The following GPC3 variants were observed in gnomAD, a reference collection of about 807,000 sequenced individuals.
The protein encoded by GPC3 is glypican 3.
GPC3 carries 3 observed loss-of-function variants against 34.4 expected under a neutral mutation model. The ratio of observed to expected loss-of-function variants is 0.09; its 90% CI spans 0.04 to 0.23. The LOEUF (loss-of-function observed/expected upper bound fraction) is 0.23. GPC3 is among the 10% of genes least tolerant of loss of function. The pLI, the probability that GPC3 is intolerant of heterozygous loss-of-function variation, is 1.00. For missense variants in GPC3, 351 were observed against 445.6 expected (o/e 0.79, Z 1.91); for synonymous variants, 177 against 174.0 (o/e 1.02, Z -0.13).
chrX:133,739,213 A>C (rs1232686225), intron 3 of GPC3, among the ~76,000 whole-genome samples: 16 of 111,250 alleles, frequency 1.4e-4, no homozygotes. Context: ...TGGGGATATT[A>C]GTGTATTTGT....
intron 2 of GPC3, among the ~76,000 whole-genome samples, chrX:133,776,878 CTTT>C (rs10633635): frequency 2.5e-5 from 2 of 79,626 alleles, no homozygotes. Context: ...CCTTTCTTTT[CTTT>C]TTTTTTTTTT....
intron 2 of GPC3, among the ~76,000 whole-genome samples, chrX:133,935,797 G>A (rs182157377): frequency 9.0e-6 from 1 of 111,134 alleles, no homozygotes; most frequent in Non-Finnish European, 1.9e-5. Context: ...AACTTTTCAG[G>A]ACTATATATG....
intron 6 of GPC3, among the ~76,000 whole-genome samples, chrX:133,629,441 G>C (rs1212815475): frequency 1.8e-5 from 2 of 111,142 alleles, no homozygotes; most frequent in Non-Finnish European, 3.8e-5. Context: ...TGTTGCCCAG[G>C]CTGGAGTGCA....
At chrX:133,878,613 T>G (rs2076027787) in intron 2 of GPC3, among the ~76,000 whole-genome samples, 1 of 111,920 alleles carries the variant, frequency 8.9e-6, no homozygotes, top group African/African-American at 3.3e-5. Flanking sequence ...CTTCTGCTGT[T>G]TTTGTCTTTT....
chrX:133,657,898 C>CAGAGAGAGAGAGAGAGAGAG (rs749162174), intron 6 of GPC3, among the ~76,000 whole-genome samples: 20 of 85,550 alleles, frequency 2.3e-4, no homozygotes, highest in African/African-American at 9.5e-4. Context: ...GGCATACATG[C>CAGAGAGAGAGAGAGAGAGAG]AGAGAGAGAG....
At chrX:133,939,431 A>G (rs981482515) in intron 2 of GPC3, among the ~76,000 whole-genome samples, 34 of 111,850 alleles carry the variant, frequency 3.0e-4, no homozygotes, top group African/African-American at 1.0e-3. Flanking sequence ...TCAGGAGTCT[A>G]GTTCAGTGTT....
At chrX:133,838,506 A>G (rs1282211678) in intron 2 of GPC3, among the ~76,000 whole-genome samples, 3 of 112,666 alleles carry the variant, frequency 2.7e-5, no homozygotes, top group Non-Finnish European at 5.6e-5. Context: ...TTATTATCAC[A>G]TGTAAATTTC....
intron 7 of GPC3, among the ~76,000 whole-genome samples, chrX:133,562,555 C>T (rs1012225658): frequency 2.7e-5 from 3 of 110,982 alleles, no homozygotes. Flanking sequence ...TGCTTGACCC[C>T]AGGAGATGGA....
At chrX:133,939,005 T>C (rs907154992) in intron 2 of GPC3, among the ~76,000 whole-genome samples, 2 of 112,030 alleles carry the variant, frequency 1.8e-5, no homozygotes, top group African/African-American at 6.5e-5. Context: ...ATAATTCTCC[T>C]TCTTTCTTAA....
At chrX:133,816,368 T>A (rs2075691664) in intron 2 of GPC3, among the ~76,000 whole-genome samples, 1 of 112,050 alleles carries the variant, frequency 8.9e-6, no homozygotes. Flanking sequence ...TATTGCTCTT[T>A]TTTTGAAGCT....
At chrX:133,837,862 T>C (rs1345306869) in intron 2 of GPC3, among the ~76,000 whole-genome samples, 1 of 112,644 alleles carries the variant, frequency 8.9e-6, no homozygotes, top group Non-Finnish European at 1.9e-5. Flanking sequence ...TGGTACCTTT[T>C]TCATTTTTAT....
chrX:133,882,324 C>A (rs773975945), intron 2 of GPC3, among the ~76,000 whole-genome samples: 2 of 111,494 alleles, frequency 1.8e-5, no homozygotes, highest in African/African-American at 6.5e-5. Context: ...AAATCTGGAC[C>A]CTGACTAAAA....
chrX:133,551,123 G>GCCCCCCCC (rs747432468), intron 7 of GPC3, among the ~76,000 whole-genome samples: 2 of 98,367 alleles, frequency 2.0e-5, no homozygotes, highest in African/African-American at 3.8e-5. Flanking sequence ...CTCACAATCT[G>GCCCCCCCC]CCCCCCCCCA....
rs146319274 is a variant in GPC3 at position 133,734,662 on chromosome X, G to T, written c.1032+18820C>A. On this transcript the variant is annotated intron_variant, in intron 3 of 7. Transcript: ENST00000370818. ...GAAAGGTAGAAATGAAACTGTATAT[G>T]CATCTGTATTTGCAGATAATGTTAT... is the stretch of plus-strand genomic sequence containing the variant. Among the ~76,000 whole-genome samples the T allele has an allele frequency of 4.2e-3, 464 of 111,510 alleles. 4 individuals carry two copies. Among genetic ancestry groups the T allele is most frequent in the African/African-American group, 0.014 (437 of 30,792 alleles).
At chrX:133,944,086 G>A (rs1426820477) in intron 2 of GPC3, among the ~76,000 whole-genome samples, 2 of 108,127 alleles carry the variant, frequency 1.8e-5, no homozygotes, top group African/African-American at 6.8e-5. Flanking sequence ...GAGAGTGTAT[G>A]TATATATATA....
At chrX:133,980,870 T>C (rs765776385) in intron 1 of GPC3, among the ~76,000 whole-genome samples, 5 of 112,355 alleles carry the variant, frequency 4.5e-5, no homozygotes, top group Admixed American at 2.8e-4. Flanking sequence ...GCCGCCTTTT[T>C]CTAGGCTACA....
At chrX:133,538,552 A>G in intron 7 of GPC3, among the ~76,000 whole-genome samples, 1 of 110,784 alleles carries the variant, frequency 9.0e-6, no homozygotes, top group East Asian at 2.9e-4. Flanking sequence ...GCTAACTTTC[A>G]ACAGTTTTGT....
chrX:133,904,882 A>T (rs1342395467), intron 2 of GPC3, among the ~76,000 whole-genome samples: 1 of 112,234 alleles, frequency 8.9e-6, no homozygotes, highest in Non-Finnish European at 1.9e-5. Flanking sequence ...AAATAAAGAA[A>T]AATAGTCTTT....
intron 2 of GPC3, among the ~76,000 whole-genome samples, chrX:133,836,742 C>A (rs1390838791): frequency 1.8e-5 from 2 of 111,442 alleles, no homozygotes; most frequent in Admixed American, 9.5e-5. Context: ...AAGATGAGGA[C>A]AAAATTCTTC....
Sources: allele counts gnomAD v4.1 joint callset (sites outside exome capture counted in the v4.1 genomes callset), GRCh38; gene constraint gnomAD v4.1.1; transcripts MANE v1.5; gene names NCBI Gene and HGNC (gene_info 2026-07-23, HGNC 2026-07-21).